Variants in DOCK9 observed in about 807,000 individuals in gnomAD.
The protein encoded by DOCK9 is dedicator of cytokinesis protein 9.
In DOCK9, 89 loss-of-function variants were observed where a neutral mutation model predicts 263.3. That is an observed-to-expected ratio of 0.34 (90% confidence interval 0.28 to 0.40). The LOEUF is 0.40. DOCK9 is among the 10% of genes least tolerant of loss of function. DOCK9 has a pLI of 1.00. For synonymous variants in DOCK9, 976 were observed against 973.1 expected, an observed-to-expected ratio of 1.00 and a Z score of -0.06; for missense variants, 2,140 against 2,603.4, an observed-to-expected ratio of 0.82 and a Z score of 3.87.
At chr13:99,060,948 T>A (rs76455229) in intron 1 of DOCK9, among the ~76,000 whole-genome samples, 2,948 of 152,326 alleles carry the variant, frequency 0.019, 46 homozygotes, top group South Asian at 0.059. Flanking sequence ...AATCAACAGA[T>A]TATCCAGTCT....
chr13:98,917,914 G>A (rs890298221), intron 7 of DOCK9, among the ~76,000 whole-genome samples: 1 of 152,046 alleles, frequency 6.6e-6, no homozygotes, highest in African/African-American at 2.4e-5. Context: ...CTTTAAATGG[G>A]GCACTGGGCT....
At chr13:98,993,981 G>A (rs1017475148) in intron 1 of DOCK9, among the ~76,000 whole-genome samples, 1 of 152,186 alleles carries the variant, frequency 6.6e-6, no homozygotes, top group Admixed American at 6.5e-5. Flanking sequence ...ATGTGAGATT[G>A]CGGGCAATCC....
chr13:99,009,183 C>A (rs931860833), intron 1 of DOCK9, among the ~76,000 whole-genome samples: 25 of 152,196 alleles, frequency 1.6e-4, no homozygotes, highest in African/African-American at 5.3e-4. Context: ...GGGGAAAGGT[C>A]TGGCCCTCTC....
chr13:98,974,748 C>CAAAAAAAAA (rs57196019), intron 1 of DOCK9, among the ~76,000 whole-genome samples: 1 of 33,216 alleles, frequency 3.0e-5, no homozygotes, highest in African/African-American at 1.1e-4. Context: ...AACTCTGTCT[C>CAAAAAAAAA]AAAAAAAAAA....
chr13:99,044,632 C>T (rs1257406053), intron 1 of DOCK9, among the ~76,000 whole-genome samples: 2 of 152,028 alleles, frequency 1.3e-5, no homozygotes, highest in Admixed American at 1.3e-4. Context: ...AATTTTGCCA[C>T]CAAAAATAAA....
At chr13:99,077,120 GT>G (rs2041939740) in intron 1 of DOCK9, among the ~76,000 whole-genome samples, 1 of 152,152 alleles carries the variant, frequency 6.6e-6, no homozygotes, top group African/African-American at 2.4e-5. Context: ...AAGGGAAATA[GT>G]TTGTATCCCA....
chr13:98,955,816 G>A (rs1461051036), intron 1 of DOCK9, among the ~76,000 whole-genome samples: 1 of 152,178 alleles, frequency 6.6e-6, no homozygotes, highest in Non-Finnish European at 1.5e-5. Flanking sequence ...TCATTTCTCG[G>A]GTCATCCCTG....
At chr13:98,846,647 A>G in intron 37 of DOCK9, 1 of 994,086 alleles carries the variant, frequency 1.0e-6, no homozygotes, top group East Asian at 4.9e-5. Flanking sequence ...ACCAGAGCAG[A>G]TGAAAATGAG....
chr13:98,990,581 G>C (rs1364535041), intron 1 of DOCK9, among the ~76,000 whole-genome samples: 1 of 152,206 alleles, frequency 6.6e-6, no homozygotes, highest in Admixed American at 6.5e-5. Context: ...AATTGCAAGA[G>C]ACTTAAGGCG....
chr13:98,887,211 G>A (rs931691878), intron 18 of DOCK9, among the ~76,000 whole-genome samples: 1 of 137,314 alleles, frequency 7.3e-6, no homozygotes, highest in African/African-American at 2.8e-5. Context: ...CTTTAACATA[G>A]TCACAGTAAA....
intron 46 of DOCK9, among the ~76,000 whole-genome samples, chr13:98,809,754 T>C (rs1259628065): frequency 3.9e-5 from 6 of 152,154 alleles, no homozygotes; most frequent in Admixed American, 1.3e-4. Context: ...TTCTTGGCCT[T>C]TGCTTTTCCT....
At position 98,886,556 on chromosome 13, in the gene DOCK9, G is replaced by A; in HGVS notation, c.2112C>T (p.His704=). The change falls in exon 19 of 53, where the codon CAC becomes CAT. Residue 704 remains histidine, a synonymous_variant. Transcript: ENST00000682017. ...CCTCATCATAAAATTCTGGGTTTTG[G>A]TGATGGTGTAAAACTGCAGCAAAGG... ...RSAFAAVLHH[H]QNPEFYDEIK... is the part of the protein sequence containing the mutation. The A allele has an allele frequency of 2.5e-6, 4 of 1,613,752 alleles. 1 individual carries two copies. Among genetic ancestry groups the A allele is most frequent in the South Asian group, 2.2e-5 (2 of 91,040 alleles).
intron 15 of DOCK9, among the ~76,000 whole-genome samples, chr13:98,896,896 C>T (rs994463965): frequency 4.6e-5 from 7 of 152,164 alleles, no homozygotes; most frequent in Non-Finnish European, 1.0e-4. Context: ...CAGATGCAAT[C>T]AGTTAAGATG....
Position 98,928,004 on chromosome 13 carries a change from C to CA in DOCK9, c.334-2086dup, listed in dbSNP as rs74265290. On this transcript the variant is annotated intron_variant, in intron 3 of 52. Coordinates refer to ENST00000682017, the MANE Select transcript of DOCK9 (RefSeq NM_001366683.2). ...TTATAATTATAAGGAATCGCACATA[C>CA]AAAAAAAAAAAAAAACAAAAAAAAA... is the stretch of plus-strand genomic sequence containing the variant. Among the ~76,000 whole-genome samples, 299 of 62,202 alleles carry CA rather than the reference C, an allele frequency of 4.8e-3. 1 individual carries two copies. Among genetic ancestry groups the CA allele is most frequent in the South Asian group, 0.027 (50 of 1,876 alleles). The allele number at this position is 62,202 out of a possible 152,430, so 40.8% of individuals were successfully genotyped here. A position where few individuals can be genotyped will look rare whatever the true frequency, so the allele number is the denominator to read the frequency against.
At chr13:99,022,941 C>T (rs1035118974) in intron 1 of DOCK9, among the ~76,000 whole-genome samples, 6 of 152,054 alleles carry the variant, frequency 3.9e-5, no homozygotes, top group African/African-American at 1.4e-4. Flanking sequence ...AGAGACAGAC[C>T]CTGTCTCTAA....
chr13:99,044,364 CA>C (rs1202184045), intron 1 of DOCK9, among the ~76,000 whole-genome samples: 2 of 152,166 alleles, frequency 1.3e-5, no homozygotes, highest in Non-Finnish European at 2.9e-5. Context: ...GCCTGGTATA[CA>C]GTAGGACATC....
chr13:98,836,861 T>C (rs1467790306), intron 39 of DOCK9, among the ~76,000 whole-genome samples: 1 of 152,182 alleles, frequency 6.6e-6, no homozygotes, highest in Non-Finnish European at 1.5e-5. Context: ...ATTTATGGCA[T>C]ATAAACACTC....
chr13:98,910,331 T>C (rs1399186425), intron 9 of DOCK9, among the ~76,000 whole-genome samples: 1 of 152,194 alleles, frequency 6.6e-6, no homozygotes, highest in Admixed American at 6.5e-5. Flanking sequence ...CACTGTTACA[T>C]TTACAATAAA....
At chr13:98,979,226 T>TAGCAGCAGCAGC (rs1358717905), upstream of DOCK9, among the ~76,000 whole-genome samples, 54 of 123,204 alleles carry the variant, frequency 4.4e-4, no homozygotes, top group African/African-American at 1.6e-3. Context: ...GTAGTAGTAG[T>TAGCAGCAGCAGC]AGTAGCAGCA....
Sources: gnomAD v4.1 joint callset for allele counts (sites outside exome capture counted in the v4.1 genomes callset) on GRCh38, gnomAD v4.1.1 for gene constraint, MANE v1.5 for transcripts, NCBI Gene and HGNC (gene_info 2026-07-23, HGNC 2026-07-21) for gene names.